MSRA: variants seen among roughly 807,000 people sequenced by gnomAD.
The protein encoded by MSRA is mitochondrial peptide methionine sulfoxide reductase.
A neutral mutation model predicts 31.3 loss-of-function variants in MSRA; 54 were observed. That is an observed-to-expected ratio of 1.73 (90% CI 1.39 to 2.17). The LOEUF (loss-of-function observed/expected upper bound fraction) is 2.17, where lower values mean the gene tolerates loss of function less well. Ranked by LOEUF, MSRA falls within the 30% of genes most tolerant of loss-of-function variation. The pLI is 0.00. For missense variants in MSRA, 507 were observed against 300.9 expected, an observed-to-expected ratio of 1.69 and a Z score of -5.07; for synonymous variants, 169 against 116.5, an observed-to-expected ratio of 1.45 and a Z score of -2.90.
intron 3 of MSRA, among the ~76,000 whole-genome samples, chr8:10,280,825 A>G (rs925084184): frequency 3.3e-5 from 5 of 152,266 alleles, no homozygotes; most frequent in African/African-American, 1.2e-4. Flanking sequence ...GTATACACGT[A>G]CAACAGCGTG....
At chr8:10,142,411 G>A (rs186785503) in intron 1 of MSRA, among the ~76,000 whole-genome samples, 6 of 152,326 alleles carry the variant, frequency 3.9e-5, no homozygotes, top group Admixed American at 3.9e-4. Flanking sequence ...TGGCACCTGA[G>A]GGCTTCTGCT....
At chr8:10,126,874 G>T (rs1231619098) in intron 1 of MSRA, among the ~76,000 whole-genome samples, 1 of 152,170 alleles carries the variant, frequency 6.6e-6, no homozygotes, top group African/African-American at 2.4e-5. Context: ...TCACAATAGG[G>T]TTCGCACTCC....
chr8:10,307,673 C>T (rs190100718), intron 4 of MSRA, among the ~76,000 whole-genome samples: 2 of 152,336 alleles, frequency 1.3e-5, no homozygotes, highest in African/African-American at 4.8e-5. Flanking sequence ...TTGCCTGCTG[C>T]ACAGTTGGAT....
intron 3 of MSRA, among the ~76,000 whole-genome samples, chr8:10,259,488 C>G (rs1371251424): frequency 1.3e-5 from 2 of 152,026 alleles, no homozygotes; most frequent in Admixed American, 6.5e-5. Context: ...GTGACATTCT[C>G]CCATCTGGAG....
intron 3 of MSRA, among the ~76,000 whole-genome samples, chr8:10,258,188 A>T (rs769251023): frequency 6.6e-6 from 1 of 152,192 alleles, no homozygotes; most frequent in East Asian, 1.9e-4. Context: ...AGTAAGCGGC[A>T]GAGCCAGAAT....
intron 2 of MSRA, among the ~76,000 whole-genome samples, chr8:10,225,800 G>C (rs974018410): frequency 3.3e-5 from 5 of 152,212 alleles, no homozygotes; most frequent in Admixed American, 2.6e-4. Flanking sequence ...CAGGTGCTAG[G>C]TGAAGGGAAC....
chr8:10,120,310 G>A (rs1014863101), intron 1 of MSRA, among the ~76,000 whole-genome samples: 7 of 152,164 alleles, frequency 4.6e-5, no homozygotes, highest in Non-Finnish European at 8.8e-5. Context: ...CAAATAGGAA[G>A]GATATGGGAT....
chr8:10,061,741 T>G (rs1008857130), intron 1 of MSRA, among the ~76,000 whole-genome samples: 8 of 152,212 alleles, frequency 5.3e-5, no homozygotes, highest in African/African-American at 1.7e-4. Flanking sequence ...GCTGCCCCAT[T>G]GTCCATGGGG....
At chr8:10,229,813 C>T (rs1310766378) in intron 2 of MSRA, among the ~76,000 whole-genome samples, 2 of 152,170 alleles carry the variant, frequency 1.3e-5, no homozygotes, top group Non-Finnish European at 2.9e-5. Context: ...TCTGAATCCA[C>T]GTCTATAATC....
chr8:10,234,204 G>A (rs953644958), intron 2 of MSRA, among the ~76,000 whole-genome samples: 2 of 152,148 alleles, frequency 1.3e-5, no homozygotes, highest in Non-Finnish European at 2.9e-5. Flanking sequence ...TGAAGCATAA[G>A]AAACAGTAAT....
intron 5 of MSRA, among the ~76,000 whole-genome samples, chr8:10,388,559 G>A (rs1451819852): frequency 6.6e-6 from 1 of 152,128 alleles, no homozygotes; most frequent in East Asian, 1.9e-4. Context: ...CAAGATGGGA[G>A]ACATCCGATC....
intron 2 of MSRA, among the ~76,000 whole-genome samples, chr8:10,223,476 G>T (rs1810705931): frequency 6.6e-6 from 1 of 152,216 alleles, no homozygotes; most frequent in African/African-American, 2.4e-5. Flanking sequence ...CACTGGGATA[G>T]AATGTCAGAT....
At chr8:10,289,887 G>T (rs1800140354) in intron 3 of MSRA, among the ~76,000 whole-genome samples, 1 of 152,178 alleles carries the variant, frequency 6.6e-6, no homozygotes, top group Non-Finnish European at 1.5e-5. Flanking sequence ...GTGAAGTTCT[G>T]CGATGCCATG....
At chr8:10,269,323 G>C (rs1798908155) in intron 3 of MSRA, among the ~76,000 whole-genome samples, 1 of 152,152 alleles carries the variant, frequency 6.6e-6, no homozygotes, top group African/African-American at 2.4e-5. Flanking sequence ...GAAAATAAAG[G>C]CTTAAAGGAA....
chr8:10,137,436 A>C (rs1476689546), intron 1 of MSRA, among the ~76,000 whole-genome samples: 1 of 152,190 alleles, frequency 6.6e-6, no homozygotes, highest in African/African-American at 2.4e-5. Context: ...CCTCAAATAT[A>C]CACCTGGAAT....
chr8:10,269,356 A>G (rs1459281529), intron 3 of MSRA, among the ~76,000 whole-genome samples: 1 of 152,238 alleles, frequency 6.6e-6, no homozygotes, highest in East Asian at 1.9e-4. Flanking sequence ...AAGAAACAGA[A>G]CTTATAGCAG....
At chr8:10,277,681 A>G (rs1182247857) in intron 3 of MSRA, among the ~76,000 whole-genome samples, 2 of 152,156 alleles carry the variant, frequency 1.3e-5, no homozygotes, top group Non-Finnish European at 2.9e-5. Context: ...GTATATACTT[A>G]ATTGCTTATC....
At chr8:10,246,701 A>G (rs1797639844) in intron 3 of MSRA, among the ~76,000 whole-genome samples, 2 of 152,244 alleles carry the variant, frequency 1.3e-5, no homozygotes, top group African/African-American at 2.4e-5. Flanking sequence ...GAGCTGTACA[A>G]CAATGAAAAT....
intron 2 of MSRA, among the ~76,000 whole-genome samples, chr8:10,221,839 A>G (rs575911081): frequency 6.6e-6 from 1 of 152,246 alleles, no homozygotes; most frequent in Admixed American, 6.5e-5. Flanking sequence ...TTTTGCACAG[A>G]TTTATGGAAA....
Sources: allele counts gnomAD v4.1 joint callset (sites outside exome capture counted in the v4.1 genomes callset), GRCh38; gene constraint gnomAD v4.1.1; transcripts MANE v1.5; gene names NCBI Gene and HGNC (gene_info 2026-07-23, HGNC 2026-07-21).